RGS8: variants seen among roughly 807,000 people sequenced by gnomAD.
The protein encoded by RGS8 is regulator of G-protein signaling 8.
RGS8 carries 8 observed loss-of-function variants against 21.7 expected under a neutral mutation model. That is an observed-to-expected ratio of 0.37 (90% CI 0.22 to 0.66). The LOEUF is 0.66. Among genes scored for constraint, RGS8 ranks in the 30% least tolerant of loss-of-function variants. RGS8 has a pLI of 0.59. For synonymous variants in RGS8, 80 were observed against 83.6 expected, an observed-to-expected ratio of 0.96 and a Z score of 0.24; for missense variants, 157 against 217.9, an observed-to-expected ratio of 0.72 and a Z score of 1.76.
At chr1:182,722,668 C>T in the RGS8 span, among the ~76,000 whole-genome samples, 3 of 152,054 alleles carry the variant, frequency 2.0e-5, no homozygotes, top group African/African-American at 7.3e-5. Context: ...CTCTATGTGT[C>T]CTCTCTGTTT....
At chr1:182,695,950 T>C in the RGS8 span, among the ~76,000 whole-genome samples, 3 of 152,320 alleles carry the variant, frequency 2.0e-5, no homozygotes, top group East Asian at 1.9e-4. Context: ...TCTGCACCCA[T>C]ATATAGTGCT....
chr1:182,729,497 CATA>C, the RGS8 span, among the ~76,000 whole-genome samples: 1 of 152,156 alleles, frequency 6.6e-6, no homozygotes, highest in Non-Finnish European at 1.5e-5. Context: ...CCCTTAGTCA[CATA>C]ATAAGTCAGA....
At chr1:182,737,634 T>C in the RGS8 span, among the ~76,000 whole-genome samples, 2 of 152,204 alleles carry the variant, frequency 1.3e-5, no homozygotes, top group African/African-American at 2.4e-5. Context: ...TCCCCAGACA[T>C]GTGGAACTAT....
At chr1:182,723,295 G>A in the RGS8 span, among the ~76,000 whole-genome samples, 1 of 152,178 alleles carries the variant, frequency 6.6e-6, no homozygotes, top group Non-Finnish European at 1.5e-5. Flanking sequence ...AGCCATCAGT[G>A]AGGGCTGCAG....
chr1:182,689,700 G>T, the RGS8 span, among the ~76,000 whole-genome samples: 5,532 of 152,250 alleles, frequency 0.036, 115 homozygotes, highest in Middle Eastern at 0.054. Flanking sequence ...TATGGATATA[G>T]ATATAGTTAA....
chr1:182,739,694 A>G, the RGS8 span, among the ~76,000 whole-genome samples: 2 of 151,976 alleles, frequency 1.3e-5, no homozygotes, highest in African/African-American at 2.4e-5. Context: ...TGCTGTTTCC[A>G]TTCCTCTTGG....
chr1:182,650,079 T>C (rs564179718), intron 5 of RGS8, among the ~76,000 whole-genome samples: 3 of 149,472 alleles, frequency 2.0e-5, no homozygotes, highest in Admixed American at 6.6e-5. Context: ...GCCTCGCTAA[T>C]TTTTGTACTT....
chr1:182,657,095 C>A (rs1663318289), intron 5 of RGS8, among the ~76,000 whole-genome samples: 1 of 151,920 alleles, frequency 6.6e-6, no homozygotes, highest in South Asian at 2.1e-4. Context: ...CCCCACCCAC[C>A]CCCCTGGCCC....
At chr1:182,655,590 A>G (rs1663235792) in intron 5 of RGS8, among the ~76,000 whole-genome samples, 1 of 152,204 alleles carries the variant, frequency 6.6e-6, no homozygotes, top group Non-Finnish European at 1.5e-5. Flanking sequence ...AGCTGGGAGC[A>G]CCAGTTCTGA....
chr1:182,649,079 G>A (rs1349654359), intron 5 of RGS8, among the ~76,000 whole-genome samples: 3 of 151,890 alleles, frequency 2.0e-5, no homozygotes, highest in Non-Finnish European at 2.9e-5. Context: ...CAGCCTGGGC[G>A]ACAAGACCAA....
rs770311873 is a variant in RGS8, at chr1:182,646,685, C to T, written c.*50G>A. The T allele has an allele frequency of 2.0e-6, 3 of 1,511,936 alleles. No homozygotes were observed. In the South Asian group the frequency reaches 3.6e-5, roughly 18 times the overall value. 93.7% of individuals were successfully genotyped at this position (1,511,936 alleles called of 1,614,324 possible). On this transcript the variant is annotated 3_prime_UTR_variant, in exon 7 of 7. Coordinates refer to ENST00000483095, the Ensembl canonical transcript of RGS8. Reference sequence around the variant, plus strand: ...ATTTCACATTAGAATATGATCTTGGCAGCAAGTGGAGGGGAAAGCCGGTGA... The same window carrying T: ...ATTTCACATTAGAATATGATCTTGGTAGCAAGTGGAGGGGAAAGCCGGTGA...
At chr1:182,711,106 C>T in the RGS8 span, among the ~76,000 whole-genome samples, 1 of 152,212 alleles carries the variant, frequency 6.6e-6, no homozygotes, top group African/African-American at 2.4e-5. Flanking sequence ...AAGGACCTCG[C>T]TTTGCAAATG....
exon 7 of RGS8, chr1:182,646,719 AG>A (rs1265055659): frequency 6.3e-7 from 1 of 1,595,464 alleles, no homozygotes; most frequent in Non-Finnish European, 8.5e-7. Context: ...GATTTCCAGG[AG>A]TTCCCTTCTG....
chr1:182,643,316 T>TCCCCCCC (rs1662551113), downstream of RGS8: 5 of 46,890 alleles, frequency 1.1e-4, no homozygotes, highest in East Asian at 7.8e-4. Context: ...GTCTCCCCCC[T>TCCCCCCC]CCCCCAGCCC....
chr1:182,736,437 T>C, the RGS8 span, among the ~76,000 whole-genome samples: 6 of 152,358 alleles, frequency 3.9e-5, no homozygotes, highest in Non-Finnish European at 5.9e-5. Flanking sequence ...ATTTAAAATA[T>C]AGGTTTCTGG....
chr1:182,705,780 C>T, the RGS8 span, among the ~76,000 whole-genome samples: 1 of 152,164 alleles, frequency 6.6e-6, no homozygotes, highest in African/African-American at 2.4e-5. Context: ...ATGGATTTTA[C>T]ATCTCCAGAA....
At chr1:182,703,423 G>A in the RGS8 span, among the ~76,000 whole-genome samples, 5 of 152,162 alleles carry the variant, frequency 3.3e-5, no homozygotes, top group Non-Finnish European at 5.9e-5. Flanking sequence ...AATAGAATTG[G>A]AGCTTGTGGA....
At chr1:182,691,262 C>T in the RGS8 span, among the ~76,000 whole-genome samples, 1 of 152,218 alleles carries the variant, frequency 6.6e-6, no homozygotes, top group Non-Finnish European at 1.5e-5. Flanking sequence ...ACTGATACAT[C>T]ATGGAGTAGC....
chr1:182,718,843 C>T, the RGS8 span, among the ~76,000 whole-genome samples: 1 of 152,190 alleles, frequency 6.6e-6, no homozygotes, highest in Admixed American at 6.5e-5. Flanking sequence ...TCTCCCCTCC[C>T]ACCTTGAATC....
Sources: allele counts gnomAD v4.1 joint callset (sites outside exome capture counted in the v4.1 genomes callset), GRCh38; gene constraint gnomAD v4.1.1; transcripts MANE v1.5; gene names NCBI Gene and HGNC (gene_info 2026-07-23, HGNC 2026-07-21).